ZNF317: variants seen among roughly 807,000 people sequenced by gnomAD.
ZNF317 encodes zinc finger protein 317.
A neutral mutation model predicts 23.4 loss-of-function variants in ZNF317; 17 were observed. The ratio of observed to expected loss-of-function variants is 0.73; its 90% CI spans 0.50 to 1.09. The LOEUF is 1.09. ZNF317 is among the 50% of genes least tolerant of loss of function. The pLI is 0.00. For missense variants in ZNF317, 679 were observed against 796.7 expected (o/e 0.85, Z 1.78); for synonymous variants, 317 against 314.9 (o/e 1.01, Z -0.07).
rs1422603891 is a variant in ZNF317 at position 9,160,349 on chromosome 19, C to T, written c.704C>T (p.Ala235Val). ...TGCCAAAAAGCCTTCACCACGAGCGCGTCCCTCACACGGCACAGGAGAATC... is the reference window on the plus strand; with the variant it reads ...TGCCAAAAAGCCTTCACCACGAGCGTGTCCCTCACACGGCACAGGAGAATC... ...HQCQKAFTTS[A>V]SLTRHRRIHT... The change falls in exon 7 of 7, where the codon GCG becomes GTG. Residue 235 changes from alanine to valine, a missense_variant. Physicochemically the swap from Ala to Val is moderately conservative, Grantham distance 64. Transcript: ENST00000247956. The surrounding 1 kb of genome is among the most constrained non-coding windows in gnomAD (Gnocchi z 6.8). 10 of 1,614,172 alleles carry T rather than the reference C, an allele frequency of 6.2e-6. No individual in the cohort carries two copies. Among genetic ancestry groups the T allele is most frequent in the African/African-American group, 1.3e-5 (1 of 75,038 alleles).
chr19:9,144,293 G>A (rs981345913), intron 1 of ZNF317, among the ~76,000 whole-genome samples: 13 of 152,098 alleles, frequency 8.5e-5, no homozygotes, highest in Admixed American at 2.0e-4. Context: ...ATGAGCCACC[G>A]CGCCCGGCTC....
chr19:9,143,896 T>G (rs749484468), intron 1 of ZNF317, among the ~76,000 whole-genome samples: 5 of 151,364 alleles, frequency 3.3e-5, no homozygotes, highest in Non-Finnish European at 7.4e-5. Context: ...ATCTATTCTG[T>G]CTGATACTAA....
chr19:9,158,714 A>G (rs2050815181), intron 5 of ZNF317, 112 bp from the exon 6 acceptor site: 4 of 720,580 alleles, frequency 5.6e-6, no homozygotes, highest in Non-Finnish European at 9.7e-6. Context: ...TTGCTTTTGC[A>G]CCACTTTTCC....
chr19:9,155,885 T>C, intron 1 of ZNF317, 40 bp from the exon 2 acceptor site: 1 of 1,120,506 alleles, frequency 8.9e-7, no homozygotes, highest in Admixed American at 1.8e-5. Context: ...GAGAGACAGA[T>C]AGCCTTTCAC....
At chr19:9,157,681 C>CTTTTT (rs566513253) in intron 4 of ZNF317, 28 of 346,330 alleles carry the variant, frequency 8.1e-5, no homozygotes, top group Admixed American at 2.2e-4. Context: ...TTTCCTATTT[C>CTTTTT]TTTTTTTTTT....
chr19:9,141,912 TCTC>T (rs2050634456), intron 1 of ZNF317, among the ~76,000 whole-genome samples: 1 of 152,140 alleles, frequency 6.6e-6, no homozygotes, highest in African/African-American at 2.4e-5. Context: ...TTCAAGCGGT[TCTC>T]CTGCCTCAGC....
At chr19:9,157,172 T>C (rs1242514017) in intron 3 of ZNF317, 96 bp from the exon 4 acceptor site, 1 of 1,488,304 alleles carries the variant, frequency 6.7e-7, no homozygotes, top group Non-Finnish European at 9.1e-7. Flanking sequence ...AAATCCTGTG[T>C]TGGGTCTCTC....
At chr19:9,150,739 T>A (rs1031328816) in intron 1 of ZNF317, among the ~76,000 whole-genome samples, 1 of 152,058 alleles carries the variant, frequency 6.6e-6, no homozygotes, top group Non-Finnish European at 1.5e-5. Flanking sequence ...GTGAGCAAGA[T>A]GATGTGTCAG....
At chr19:9,153,719 A>G (rs1198972229) in intron 1 of ZNF317, among the ~76,000 whole-genome samples, 1 of 152,178 alleles carries the variant, frequency 6.6e-6, no homozygotes, top group Non-Finnish European at 1.5e-5. Context: ...GAACCAGGAG[A>G]CAGTTGTAGA....
intron 1 of ZNF317, among the ~76,000 whole-genome samples, chr19:9,149,844 C>G (rs1418169597): frequency 1.3e-5 from 2 of 152,172 alleles, no homozygotes; most frequent in African/African-American, 2.4e-5. Context: ...GGGACAGCAG[C>G]TGGGAGACCA....
intron 2 of ZNF317, 102 bp downstream of exon 2, chr19:9,156,143 A>C (rs1230928893): frequency 6.9e-7 from 1 of 1,452,620 alleles, no homozygotes; most frequent in South Asian, 1.1e-5. Flanking sequence ...CTGCTGGGAG[A>C]GGATGGGCAA....
At chr19:9,145,757 T>C (rs1417251053) in intron 1 of ZNF317, among the ~76,000 whole-genome samples, 4 of 152,230 alleles carry the variant, frequency 2.6e-5, no homozygotes. Context: ...CACGTGGTTC[T>C]TAGCTGTATT....
At chr19:9,149,879 A>G (rs557325206) in intron 1 of ZNF317, among the ~76,000 whole-genome samples, 1 of 152,192 alleles carries the variant, frequency 6.6e-6, no homozygotes, top group Non-Finnish European at 1.5e-5. Context: ...GGAATGTTCT[A>G]GAAGAGAAGC....
In ZNF317 at chr19:9,140,435, C is replaced by G. The variant is rs758875308; in HGVS notation, c.-250C>G. On this transcript the variant is annotated 5_prime_UTR_variant, in exon 1 of 7. Coordinates refer to ENST00000247956, the MANE Select transcript of ZNF317 (RefSeq NM_020933.5). ...CCATTACTCTCTGGAGTCGATTGCC[C>G]CGAGACACATGGGCCAAGGAGGGGT... The G allele has an allele frequency of 2.2e-6, 1 of 450,228 alleles. No individual in the cohort carries two copies. Among genetic ancestry groups the G allele is most frequent in the Non-Finnish European group, 4.5e-6 (1 of 224,040 alleles). The allele number at this position is 450,228 out of a possible 1,614,324, so 27.9% of individuals were successfully genotyped here.
chr19:9,144,558 AC>A (rs1433922219), intron 1 of ZNF317, among the ~76,000 whole-genome samples: 1 of 148,900 alleles, frequency 6.7e-6, no homozygotes, highest in Non-Finnish European at 1.5e-5. Context: ...AATAATTCTT[AC>A]CCATGCTCAT....
In ZNF317 at chr19:9,147,215, T is replaced by G. The variant is rs1211998776; in HGVS notation, c.-93+6623T>G. 3.9e-5 allele frequency among the ~76,000 whole-genome samples: 6 copies of G among 152,126 alleles called. No individual in the cohort carries two copies. The East Asian group carries it at 1.2e-3, about 29-fold the overall frequency. ...ATGTGTAGAAATAGAAAAATAGAAC[T>G]GCTTTCACCATGCTGTAAAGAAAAT... On this transcript the variant is annotated intron_variant, in intron 1 of 6. Transcript: ENST00000247956.
intron 1 of ZNF317, among the ~76,000 whole-genome samples, chr19:9,148,896 G>T (rs1382094465): frequency 1.3e-5 from 2 of 152,156 alleles, no homozygotes; most frequent in Non-Finnish European, 2.9e-5. Flanking sequence ...GGCTGCAAGT[G>T]CTTCAGGGTC....
In ZNF317 at chr19:9,162,066, G is replaced by T. The variant is rs950511604; in HGVS notation, c.*633G>T. ...AAGTCTGAAATACTTCCTGTCATCT[G>T]CCCCTTTCCAGAAAAACTTGGCCGA... On this transcript the variant is annotated 3_prime_UTR_variant, in exon 7 of 7. Transcript: ENST00000247956. The T allele has an allele frequency of 6.6e-6, 1 of 152,310 alleles. No individual in the cohort carries two copies. Among genetic ancestry groups the T allele is most frequent in the East Asian group, 1.9e-4 (1 of 5,166 alleles). The allele number at this position is 152,310 out of a possible 1,614,324, so 9.4% of individuals were successfully genotyped here.
At chr19:9,153,927 G>A (rs62103616) in intron 1 of ZNF317, among the ~76,000 whole-genome samples, 13,411 of 152,170 alleles carry the variant, frequency 0.088, 660 homozygotes, top group Middle Eastern at 0.11. Flanking sequence ...GTTTTTGCTC[G>A]GAAGGGGGCA....
Sources: gnomAD v4.1 joint callset for allele counts (sites outside exome capture counted in the v4.1 genomes callset) on GRCh38, gnomAD v4.1.1 for gene constraint, Gnocchi (gnomAD v3.1) non-coding constraint, MANE v1.5 for transcripts, NCBI Gene and HGNC (gene_info 2026-07-23, HGNC 2026-07-21) for gene names.